XIRP2: variants seen among roughly 807,000 people sequenced by gnomAD.
XIRP2 encodes the protein xin actin-binding repeat-containing protein 2.
In XIRP2, 236 loss-of-function variants were observed where a neutral mutation model predicts 277.0. That is an observed-to-expected ratio of 0.85 (90% CI 0.77 to 0.95). The LOEUF (loss-of-function observed/expected upper bound fraction) is 0.95, where lower values mean the gene tolerates loss of function less well. XIRP2 is among the 40% of genes least tolerant of loss of function. The pLI is 0.00. For missense variants in XIRP2, 4,640 were observed against 4,157.5 expected, an observed-to-expected ratio of 1.12 and a Z score of -3.19; for synonymous variants, 1,490 against 1,416.5, an observed-to-expected ratio of 1.05 and a Z score of -1.17.
intron 2 of XIRP2, among the ~76,000 whole-genome samples, chr2:166,968,066 G>A (rs576731135): frequency 6.6e-6 from 1 of 152,022 alleles, no homozygotes; most frequent in Admixed American, 6.6e-5. Flanking sequence ...CGTGTTAGAT[G>A]AATTTCTAGA....
chr2:167,218,443 A>T, intron 5 of XIRP2, 143 bp downstream of exon 5: 1 of 983,892 alleles, frequency 1.0e-6, no homozygotes, highest in Non-Finnish European at 1.3e-6. Context: ...ATGTTCTAGA[A>T]AATCATCTTT....
At position 167,243,576 on chromosome 2, in the gene XIRP2, T is replaced by A. The variant is rs765130921; in HGVS notation, c.2184T>A (p.Asn728Lys). ...LRSELKEIKG[N>K]VKRSIKCFET... The stretch of plus-strand genomic sequence containing the variant: ...CTGAGCTCAAAGAAATTAAGGGAAA[T>A]GTTAAAAGAAGTATAAAATGTTTCG... Residue 728 changes from asparagine (N) to lysine (K), a missense_variant, in exon 9 of 11, where the codon AAT becomes AAA. By Grantham distance (94) the Asn-to-Lys change is moderately conservative. Coordinates refer to ENST00000409195, the MANE Select transcript of XIRP2 (RefSeq NM_152381.6). The A allele has an allele frequency of 1.9e-6, 3 of 1,613,926 alleles. No homozygotes were observed. In the East Asian group the frequency reaches 6.7e-5, roughly 36 times the overall value.
chr2:166,979,369 C>CTTTTTTTTTTTTT (rs66909002), intron 2 of XIRP2, among the ~76,000 whole-genome samples: 1 of 108,524 alleles, frequency 9.2e-6, no homozygotes, highest in Non-Finnish European at 1.9e-5. Context: ...CTTTTCTTTT[C>CTTTTTTTTTTTTT]TTTTTTTTTT....
chr2:167,037,691 G>A (rs1688549418), intron 2 of XIRP2, among the ~76,000 whole-genome samples: 1 of 151,926 alleles, frequency 6.6e-6, no homozygotes, highest in South Asian at 2.1e-4. Context: ...TAAAATCAAA[G>A]CTTTGTACTA....
At chr2:167,096,786 C>G (rs1430093386) in intron 2 of XIRP2, among the ~76,000 whole-genome samples, 2 of 152,014 alleles carry the variant, frequency 1.3e-5, no homozygotes, top group African/African-American at 4.8e-5. Context: ...TTGTTTCTGC[C>G]TTAATTTTTT....
intron 5 of XIRP2, among the ~76,000 whole-genome samples, chr2:167,225,547 G>T (rs1055299143): frequency 6.6e-6 from 1 of 152,102 alleles, no homozygotes; most frequent in African/African-American, 2.4e-5. Context: ...ATTTGCCAGA[G>T]AACTGTTGCT....
At chr2:167,089,648 T>G (rs1424745358) in intron 2 of XIRP2, among the ~76,000 whole-genome samples, 1 of 152,126 alleles carries the variant, frequency 6.6e-6, no homozygotes, top group Non-Finnish European at 1.5e-5. Context: ...TAAGTAAATG[T>G]GCATGTGTGT....
At chr2:166,985,028 T>C (rs1686965331) in intron 2 of XIRP2, among the ~76,000 whole-genome samples, 1 of 152,280 alleles carries the variant, frequency 6.6e-6, no homozygotes, top group South Asian at 2.1e-4. Flanking sequence ...TATTTGCTTA[T>C]GTGTCATGTA....
rs1161008982 is a variant in XIRP2 at position 167,247,414 on chromosome 2, A to G, written c.6022A>G (p.Asn2008Asp). The G allele has an allele frequency of 6.2e-7, 1 of 1,613,698 alleles. No homozygotes were observed. Among genetic ancestry groups the G allele is most frequent in the Non-Finnish European group, 8.5e-7 (1 of 1,179,758 alleles). ...SQTMGKSCHG[N>D]LVEERTEVNL... The stretch of plus-strand genomic sequence containing the variant: ...AACTATGGGGAAATCTTGCCATGGC[A>G]ATTTAGTAGAAGAAAGAACTGAGGT... The change falls in exon 9 of 11, where the codon AAT becomes GAT. Residue 2008 changes from asparagine to aspartate, a missense_variant. Asn to Asp is a conservative substitution (Grantham distance 23, BLOSUM62 1). Coordinates refer to ENST00000409195, the MANE Select transcript of XIRP2 (RefSeq NM_152381.6).
At chr2:167,098,723 TTTTGTG>T (rs1268437355) in intron 2 of XIRP2, among the ~76,000 whole-genome samples, 1 of 152,088 alleles carries the variant, frequency 6.6e-6, no homozygotes, top group Non-Finnish European at 1.5e-5. Context: ...CAGATGGAGG[TTTTGTG>T]TAGTCATTCT....
At chr2:167,186,642 A>C (rs1258203950) in intron 3 of XIRP2, among the ~76,000 whole-genome samples, 3 of 152,122 alleles carry the variant, frequency 2.0e-5, no homozygotes, top group Non-Finnish European at 2.9e-5. Flanking sequence ...TCCTGGCAGC[A>C]AAGGACATTT....
chr2:166,972,419 A>G (rs577996717), intron 2 of XIRP2, among the ~76,000 whole-genome samples: 2 of 152,296 alleles, frequency 1.3e-5, no homozygotes, highest in East Asian at 3.9e-4. Context: ...GAAAGCAGCT[A>G]CTAGCTATTT....
chr2:167,010,256 A>G (rs1687630089), intron 2 of XIRP2, among the ~76,000 whole-genome samples: 1 of 152,038 alleles, frequency 6.6e-6, no homozygotes, highest in African/African-American at 2.4e-5. Flanking sequence ...ATAAGGTGTA[A>G]GGAAGGGATC....
At chr2:166,963,115 TC>T (rs1357449197) in intron 2 of XIRP2, among the ~76,000 whole-genome samples, 1 of 151,728 alleles carries the variant, frequency 6.6e-6, no homozygotes, top group East Asian at 1.9e-4. Flanking sequence ...GCAATGCATC[TC>T]ATGAATATGT....
rs1319787185 is a variant in XIRP2, at chr2:167,218,295, G to T, written c.853G>T (p.Glu285Ter). Residue 285 changes from glutamate to a stop codon, truncating the protein, a stop_gained, in exon 5 of 11, where the codon GAG becomes TAG. Coordinates refer to ENST00000409195, the MANE Select transcript of XIRP2 (RefSeq NM_152381.6). LOFTEE classifies it high-confidence loss of function. ...CCAATATCAACATCAGAACAGATCT[G>T]AGCAGGTAATACTACTACAGGTGAT... ...QYQYQHQNRS[E>*]QEAIHSSQVG... is the part of the protein sequence containing the mutation. 1 of 1,546,842 alleles carries T rather than the reference G, an allele frequency of 6.5e-7. No homozygotes were observed. The highest frequency in any genetic ancestry group is 2.3e-5 in the East Asian group (1 of 42,912).
At chr2:167,091,429 C>T (rs1339406040) in intron 2 of XIRP2, among the ~76,000 whole-genome samples, 2 of 152,104 alleles carry the variant, frequency 1.3e-5, no homozygotes, top group Non-Finnish European at 2.9e-5. Flanking sequence ...ACTTATCATT[C>T]ACTAACTTCC....
chr2:167,135,948 AAG>A lies in XIRP2; in HGVS notation c.451_452del (p.His152ProfsTer22), dbSNP rs749199982. On this transcript the variant is annotated frameshift_variant, in exon 3 of 11. Coordinates refer to ENST00000409195, the MANE Select transcript of XIRP2 (RefSeq NM_152381.6). LOFTEE classifies it high-confidence loss of function. ...IERSLCSPAF[K>X]SHPGSQLEDS... ...GCGAAGTTTGTGCTCGCCAGCTTTT[AAG>A]AGTCACCCTGGGAGCCAGCTGGAGG... 1.2e-6 allele frequency: 2 copies of A among 1,607,216 alleles called. No homozygotes were observed. The highest frequency in any genetic ancestry group is 1.7e-6 in the Non-Finnish European group (2 of 1,177,014).
At chr2:167,042,422 T>G (rs554465028) in intron 2 of XIRP2, among the ~76,000 whole-genome samples, 2 of 152,104 alleles carry the variant, frequency 1.3e-5, no homozygotes, top group Non-Finnish European at 2.9e-5. Flanking sequence ...AAGACTCAAC[T>G]GTATGTTGCC....
intron 2 of XIRP2, among the ~76,000 whole-genome samples, chr2:167,016,071 C>T (rs568489761): frequency 6.6e-6 from 1 of 151,732 alleles, no homozygotes; most frequent in Non-Finnish European, 1.5e-5. Flanking sequence ...TCCAAGTTCA[C>T]GTATTCATGT....
Sources: gnomAD v4.1 joint callset for allele counts (sites outside exome capture counted in the v4.1 genomes callset) on GRCh38, gnomAD v4.1.1 for gene constraint, MANE v1.5 for transcripts, NCBI Gene and HGNC (gene_info 2026-07-23, HGNC 2026-07-21) for gene names.